The following ALDH1A2 variants were observed in gnomAD, a reference collection of about 807,000 sequenced individuals.
The protein encoded by ALDH1A2 is aldehyde dehydrogenase 1 family member A2, also known as retinal dehydrogenase 2.
In ALDH1A2, 27 loss-of-function variants were observed where a neutral mutation model predicts 60.3. That is an observed-to-expected ratio of 0.45 (90% confidence interval 0.33 to 0.62). The LOEUF (loss-of-function observed/expected upper bound fraction) is 0.62. Ranked by LOEUF, ALDH1A2 falls within the 20% of genes least tolerant of loss-of-function variation. ALDH1A2 has a pLI of 0.02. For synonymous variants in ALDH1A2, 289 were observed against 232.4 expected, an observed-to-expected ratio of 1.24 and a Z score of -2.21; for missense variants, 581 against 643.8, an observed-to-expected ratio of 0.90 and a Z score of 1.06.
chr15:58,002,749 T>C (rs959410497), intron 4 of ALDH1A2, among the ~76,000 whole-genome samples: 1 of 151,942 alleles, frequency 6.6e-6, no homozygotes, highest in Non-Finnish European at 1.5e-5. Flanking sequence ...ATTCAGTGAA[T>C]GAAGGTCATC....
chr15:58,025,790 G>T (rs1183890053), intron 1 of ALDH1A2, among the ~76,000 whole-genome samples: 1 of 152,232 alleles, frequency 6.6e-6, no homozygotes, highest in African/African-American at 2.4e-5. Context: ...AATCACGGCA[G>T]AATGTGAAGG....
intron 1 of ALDH1A2, among the ~76,000 whole-genome samples, chr15:58,033,541 G>T (rs1401028435): frequency 1.3e-5 from 2 of 151,710 alleles, no homozygotes; most frequent in Admixed American, 1.3e-4. Context: ...ACAATACAAT[G>T]ACCTTACAAC....
chr15:57,970,115 A>C (rs965105822), intron 7 of ALDH1A2, among the ~76,000 whole-genome samples: 6 of 152,212 alleles, frequency 3.9e-5, no homozygotes, highest in African/African-American at 1.4e-4. Context: ...GTCTGTTCAC[A>C]ATTCTTGTGT....
chr15:58,040,715 TATAA>T (rs1202417209), intron 1 of ALDH1A2, among the ~76,000 whole-genome samples: 2 of 152,032 alleles, frequency 1.3e-5, no homozygotes, highest in Admixed American at 6.6e-5. Flanking sequence ...GTAGAAATAA[TATAA>T]ATAAGAAACT....
Position 57,955,289 on chromosome 15 carries a change from C to T in ALDH1A2, c.1485-20G>A, listed in dbSNP as rs368327264. On this transcript the variant is annotated intron_variant, in intron 12 of 12. Coordinates refer to ENST00000249750, the MANE Select transcript of ALDH1A2 (RefSeq NM_003888.4). ...TCTCCCCTGAAACACAGAAATGGGC[C>T]GGGTCAGATACCAGAAGTCCAGGGA... 8.1e-6 allele frequency: 13 copies of T among 1,613,650 alleles called. No homozygotes were observed. The highest frequency in any genetic ancestry group is 1.3e-5 in the African/African-American group (1 of 74,842).
chr15:58,022,214 A>T (rs1319201959), intron 1 of ALDH1A2, among the ~76,000 whole-genome samples: 1 of 152,162 alleles, frequency 6.6e-6, no homozygotes, highest in Non-Finnish European at 1.5e-5. Flanking sequence ...TTCCCGAGAC[A>T]GAGCACATAG....
intron 4 of ALDH1A2, among the ~76,000 whole-genome samples, chr15:58,007,134 A>G (rs1301217835): frequency 2.0e-5 from 3 of 151,970 alleles, no homozygotes; most frequent in African/African-American, 7.2e-5. Flanking sequence ...TTAAACAAAG[A>G]ATCTTTCAAC....
At chr15:58,013,046 G>A (rs1895679528) in intron 3 of ALDH1A2, among the ~76,000 whole-genome samples, 1 of 152,142 alleles carries the variant, frequency 6.6e-6, no homozygotes, top group Non-Finnish European at 1.5e-5. Flanking sequence ...ACCCATTAGG[G>A]CAGGAGAAGT....
At chr15:57,962,729 C>T (rs1373308450) in intron 9 of ALDH1A2, among the ~76,000 whole-genome samples, 1 of 152,040 alleles carries the variant, frequency 6.6e-6, no homozygotes, top group Non-Finnish European at 1.5e-5. Context: ...TCAGTCTTCC[C>T]CCAAAAAACT....
At chr15:57,962,270 T>C (rs1893748144) in intron 9 of ALDH1A2, 94 bp from the exon 10 acceptor site, 2 of 1,511,372 alleles carry the variant, frequency 1.3e-6, no homozygotes, top group African/African-American at 2.8e-5. Context: ...AGGGTTTTTT[T>C]CAAAGTTTAA....
At chr15:57,987,396 C>G (rs1223212890) in intron 7 of ALDH1A2, among the ~76,000 whole-genome samples, 9 of 152,112 alleles carry the variant, frequency 5.9e-5, no homozygotes, top group African/African-American at 2.2e-4. Flanking sequence ...AAAAGAAACT[C>G]TCTCAAAAGC....
At chr15:58,053,807 C>G (rs1809647947) in intron 1 of ALDH1A2, among the ~76,000 whole-genome samples, 1 of 152,156 alleles carries the variant, frequency 6.6e-6, no homozygotes. Context: ...AACTACCACC[C>G]AGGCTTTAAT....
chr15:57,967,511 T>A (rs1466149311), intron 7 of ALDH1A2, among the ~76,000 whole-genome samples: 1 of 152,128 alleles, frequency 6.6e-6, no homozygotes, highest in Admixed American at 6.5e-5. Context: ...GCCTGTGCTG[T>A]TAACTCCTTC....
chr15:58,026,031 C>CATACATCCAAACCATATCAAGGGA (rs1170091810), intron 1 of ALDH1A2, among the ~76,000 whole-genome samples: 9 of 152,144 alleles, frequency 5.9e-5, no homozygotes, highest in Non-Finnish European at 7.3e-5. Context: ...TTGGAGGGGA[C>CATACATCCAAACCATATCAAGGGA]ATACATCCAA....
rs568712837 is a variant in ALDH1A2 at position 58,044,129 on chromosome 15, G to C, written c.117+21405C>G. ...GGCTGACCAGATCCGAGTGATCTTTGCTGCATCTCTATCATGATGCTTCTT... is the reference window on the plus strand; with the variant it reads ...GGCTGACCAGATCCGAGTGATCTTTCCTGCATCTCTATCATGATGCTTCTT... On this transcript the variant is annotated intron_variant, in intron 1 of 12. Transcript: ENST00000249750. Among the ~76,000 whole-genome samples the C allele has an allele frequency of 7.2e-4, 110 of 152,050 alleles. 1 individual carries two copies. Among genetic ancestry groups the C allele is most frequent in the Non-Finnish European group, 1.4e-3 (97 of 67,934 alleles).
intron 1 of ALDH1A2, among the ~76,000 whole-genome samples, chr15:58,021,094 G>C (rs1462288946): frequency 3.9e-5 from 6 of 152,024 alleles, no homozygotes; most frequent in African/African-American, 1.4e-4. Flanking sequence ...ATCTTTTCCT[G>C]TCTTTCTGCT....
chr15:58,034,116 A>AGT (rs1215053626), intron 1 of ALDH1A2, among the ~76,000 whole-genome samples: 1 of 151,588 alleles, frequency 6.6e-6, no homozygotes, highest in Non-Finnish European at 1.5e-5. Context: ...TCCTATCGAT[A>AGT]GTGTATCTCT....
At chr15:58,026,378 A>T (rs1157334781) in intron 1 of ALDH1A2, among the ~76,000 whole-genome samples, 1 of 152,206 alleles carries the variant, frequency 6.6e-6, no homozygotes, top group Non-Finnish European at 1.5e-5. Context: ...TAAAATCAAC[A>T]TCCCACTCCT....
At position 57,954,972 on chromosome 15, in the gene ALDH1A2, T is replaced by C; in HGVS notation, c.*225A>G. On this transcript the variant is annotated 3_prime_UTR_variant, in exon 13 of 13. Transcript: ENST00000249750. ...TCCTCCTCCTCCCTTTATCCCACTT[T>C]CCCCAATATTTGGTATGATTAAGGT... The C allele has an allele frequency of 1.7e-6, 1 of 600,774 alleles. No individual in the cohort carries two copies. The allele number at this position is 600,774 out of a possible 1,614,324, so 37.2% of individuals were successfully genotyped here.
Sources: allele counts gnomAD v4.1 joint callset (sites outside exome capture counted in the v4.1 genomes callset), GRCh38; gene constraint gnomAD v4.1.1; transcripts MANE v1.5; gene names NCBI Gene and HGNC (gene_info 2026-07-23, HGNC 2026-07-21).